KIAA1328: variants seen among roughly 807,000 people sequenced by gnomAD.
KIAA1328 encodes protein hinderin.
A neutral mutation model predicts 68.1 loss-of-function variants in KIAA1328; 52 were observed. The ratio of observed to expected loss-of-function variants is 0.76; its 90% confidence interval spans 0.61 to 0.96. The LOEUF is 0.96. KIAA1328 is among the 40% of genes least tolerant of loss of function. The probability of loss-of-function intolerance (pLI) is 0.00; values close to 1 mark genes in which losing one functional copy is unlikely to be tolerated. For missense variants in KIAA1328, 641 were observed against 677.6 expected (o/e 0.95, Z 0.60); for synonymous variants, 232 against 239.4 (o/e 0.97, Z 0.28).
At chr18:36,891,175 C>T (rs931295339) in intron 5 of KIAA1328, among the ~76,000 whole-genome samples, 2 of 152,148 alleles carry the variant, frequency 1.3e-5, no homozygotes, top group Non-Finnish European at 2.9e-5. Flanking sequence ...TTGGAGCCCA[C>T]GCCTCATACC....
chr18:37,017,079 C>T lies in KIAA1328; in HGVS notation c.577-49811C>T, dbSNP rs8083386. On this transcript the variant is annotated intron_variant, in intron 6 of 9. Coordinates refer to ENST00000280020, the MANE Select transcript of KIAA1328 (RefSeq NM_020776.3). ...TGTTAGATCATTAATTTGAGATCTT[C>T]CTAACTTTTTGAGGTCATTTACGAC... Among the ~76,000 whole-genome samples, 389 of 152,050 alleles carry T rather than the reference C, an allele frequency of 2.6e-3. 3 individuals are homozygous for T. The highest frequency in any genetic ancestry group is 9.0e-3 in the African/African-American group (372 of 41,528).
At chr18:36,876,232 A>G (rs1367166545) in intron 4 of KIAA1328, among the ~76,000 whole-genome samples, 2 of 152,110 alleles carry the variant, frequency 1.3e-5, no homozygotes, top group African/African-American at 4.8e-5. Flanking sequence ...AATAGTTTCC[A>G]AAGGAATGGT....
At chr18:37,225,768 C>A (rs1013224512), downstream of KIAA1328, among the ~76,000 whole-genome samples, 1 of 152,194 alleles carries the variant, frequency 6.6e-6, no homozygotes, top group Admixed American at 6.5e-5. Context: ...TCTGAGATCA[C>A]ACCTGTGGAT....
intron 5 of KIAA1328, among the ~76,000 whole-genome samples, chr18:36,911,022 C>T (rs910396738): frequency 6.6e-6 from 1 of 152,020 alleles, no homozygotes; most frequent in Non-Finnish European, 1.5e-5. Flanking sequence ...ATCACTACTA[C>T]TCTCCAATGG....
chr18:37,066,942 C>T lies in KIAA1328; in HGVS notation c.629C>T (p.Ser210Phe), dbSNP rs1169218410. 6.2e-7 allele frequency: 1 copy of T among 1,610,332 alleles called. No individual in the cohort carries two copies. Among genetic ancestry groups the T allele is most frequent in the African/African-American group, 1.3e-5 (1 of 74,996 alleles). Residue 210 changes from serine to phenylalanine, a missense_variant, in exon 7 of 10, where the codon TCC becomes TTC. By Grantham distance (155) the Ser-to-Phe change is radical. Coordinates refer to ENST00000280020, the MANE Select transcript of KIAA1328 (RefSeq NM_020776.3). ...LQCSSVELDG[S>F]YLSIARPQTY... ...TGTTCATCTGTGGAACTGGATGGTTCCTACTTGAGCATAGCCAGACCACAG... is the reference window on the plus strand; with the variant it reads ...TGTTCATCTGTGGAACTGGATGGTTTCTACTTGAGCATAGCCAGACCACAG...
intron 7 of KIAA1328, among the ~76,000 whole-genome samples, chr18:37,113,443 C>G (rs1473698080): frequency 6.6e-6 from 1 of 152,182 alleles, no homozygotes; most frequent in Non-Finnish European, 1.5e-5. Flanking sequence ...AAATCCTTTA[C>G]AGACAAGCAA....
chr18:36,965,846 A>G (rs1379172525), intron 6 of KIAA1328, among the ~76,000 whole-genome samples: 7 of 151,624 alleles, frequency 4.6e-5, no homozygotes, highest in Admixed American at 3.3e-4. Flanking sequence ...GGCTATCTTC[A>G]AGTTATAATA....
chr18:37,061,420 A>G (rs1362887666), intron 6 of KIAA1328, among the ~76,000 whole-genome samples: 2 of 152,212 alleles, frequency 1.3e-5, no homozygotes, highest in Non-Finnish European at 2.9e-5. Flanking sequence ...TTACACAGAT[A>G]GATACAAATA....
At chr18:37,143,521 C>CTTTTTTTTTTTTTTTTTTTTTTTTTT (rs57046567) in intron 7 of KIAA1328, among the ~76,000 whole-genome samples, 11 of 90,772 alleles carry the variant, frequency 1.2e-4, no homozygotes, top group African/African-American at 3.4e-4. Context: ...TTTTTTCTTT[C>CTTTTTTTTTTTTTTTTTTTTTTTTTT]TTTTTTTTTT....
intron 3 of KIAA1328, among the ~76,000 whole-genome samples, chr18:36,836,775 A>G (rs963570828): frequency 3.3e-5 from 5 of 152,238 alleles, no homozygotes; most frequent in East Asian, 1.9e-4. Context: ...CCCCATACCA[A>G]TTAGGCACTT....
intron 4 of KIAA1328, among the ~76,000 whole-genome samples, chr18:36,856,551 T>A (rs1358917071): frequency 6.9e-6 from 1 of 145,820 alleles, no homozygotes; most frequent in Non-Finnish European, 1.5e-5. Flanking sequence ...TTATTGATAT[T>A]CTCTATTTGT....
intron 7 of KIAA1328, among the ~76,000 whole-genome samples, chr18:37,081,069 C>T (rs945143480): frequency 1.3e-5 from 2 of 152,088 alleles, no homozygotes; most frequent in African/African-American, 4.8e-5. Flanking sequence ...CAACCTCTGG[C>T]TCCCAGGTTC....
chr18:36,959,849 T>C (rs376625201), intron 6 of KIAA1328, among the ~76,000 whole-genome samples: 5 of 152,220 alleles, frequency 3.3e-5, no homozygotes, highest in Non-Finnish European at 7.3e-5. Context: ...AAAACTTTAA[T>C]TGGAGAATAT....
Position 36,971,899 on chromosome 18 carries a change from TA to T in KIAA1328, c.576+12465del, listed in dbSNP as rs368286537. ...AAGGAGAGAAGAAGAAAAAGATAACTATGGGTACTGTGCTTGTTACCTGGGT... is the reference window on the plus strand; with the variant it reads ...AAGGAGAGAAGAAGAAAAAGATAACTTGGGTACTGTGCTTGTTACCTGGGT... On this transcript the variant is annotated intron_variant, in intron 6 of 9. Coordinates refer to ENST00000280020, the MANE Select transcript of KIAA1328 (RefSeq NM_020776.3). Among the ~76,000 whole-genome samples, 56 of 152,196 alleles carry T rather than the reference TA, an allele frequency of 3.7e-4. No individual in the cohort carries two copies. The East Asian group carries it at 0.01, about 28-fold the overall frequency.
intron 4 of KIAA1328, among the ~76,000 whole-genome samples, chr18:36,866,407 A>G (rs1020609923): frequency 2.0e-5 from 3 of 151,598 alleles, no homozygotes; most frequent in Admixed American, 1.3e-4. Context: ...TCAGATTCTG[A>G]CTCTGCTTGT....
intron 6 of KIAA1328, among the ~76,000 whole-genome samples, chr18:37,020,519 A>T (rs1339922759): frequency 6.6e-6 from 1 of 152,258 alleles, no homozygotes; most frequent in Non-Finnish European, 1.5e-5. Flanking sequence ...AATATTCAGA[A>T]TACTGTATAT....
intron 6 of KIAA1328, among the ~76,000 whole-genome samples, chr18:37,014,747 C>T (rs940712714): frequency 6.6e-6 from 1 of 152,088 alleles, no homozygotes; most frequent in African/African-American, 2.4e-5. Flanking sequence ...AATCCATCCC[C>T]ATAATACAGT....
chr18:37,073,178 C>T (rs1225136079), intron 7 of KIAA1328, among the ~76,000 whole-genome samples: 2 of 152,154 alleles, frequency 1.3e-5, no homozygotes, highest in African/African-American at 4.8e-5. Flanking sequence ...TCTAATTAAA[C>T]TAAAGAGCTT....
chr18:37,169,837 G>A (rs2059466268), intron 8 of KIAA1328, among the ~76,000 whole-genome samples: 1 of 152,182 alleles, frequency 6.6e-6, no homozygotes, highest in South Asian at 2.1e-4. Flanking sequence ...ATACATTGTT[G>A]TGCCTTACAA....
Sources: allele counts gnomAD v4.1 joint callset (sites outside exome capture counted in the v4.1 genomes callset), GRCh38; gene constraint gnomAD v4.1.1; transcripts MANE v1.5; gene names NCBI Gene and HGNC (gene_info 2026-07-23, HGNC 2026-07-21).